ATP13A5: variants seen among roughly 807,000 people sequenced by gnomAD.
The protein encoded by ATP13A5 is ATPase 13A5.
A neutral mutation model predicts 150.2 loss-of-function variants in ATP13A5; 149 were observed. The ratio of observed to expected loss-of-function variants is 0.99; its 90% CI spans 0.87 to 1.14. The LOEUF (loss-of-function observed/expected upper bound fraction) is 1.14. ATP13A5 is among the 50% of genes most tolerant of loss of function. The pLI, the probability that ATP13A5 is intolerant of heterozygous loss-of-function variation, is 0.00. For missense variants in ATP13A5, 1,383 were observed against 1,449.3 expected (o/e 0.95, Z 0.74); for synonymous variants, 497 against 522.2 (o/e 0.95, Z 0.66).
chr3:193,357,374 T>C (rs878942144), intron 5 of ATP13A5, among the ~76,000 whole-genome samples: 2 of 152,180 alleles, frequency 1.3e-5, no homozygotes, highest in Admixed American at 1.3e-4. Flanking sequence ...TCATCCTCTT[T>C]ACGGTTCATC....
chr3:193,344,296 G>C (rs543075144), intron 8 of ATP13A5, among the ~76,000 whole-genome samples: 1 of 152,308 alleles, frequency 6.6e-6, no homozygotes, highest in African/African-American at 2.4e-5. Flanking sequence ...TACCTGGTGT[G>C]CTTTGCCCAC....
chr3:193,282,108 T>C (rs562835620), intron 27 of ATP13A5, among the ~76,000 whole-genome samples: 4 of 151,906 alleles, frequency 2.6e-5, no homozygotes, highest in African/African-American at 7.2e-5. Context: ...AGGCAGAGAA[T>C]TGCTTGATCC....
Position 193,326,047 on chromosome 3 carries a change from A to G in ATP13A5, c.1523+949T>C, listed in dbSNP as rs959674026. Reference sequence around the variant, plus strand: ...TGTTCCTTGTCACCCAGTCCAGGGTATCTTCTGCAACATCACACTGCTTGT... The same window carrying G: ...TGTTCCTTGTCACCCAGTCCAGGGTGTCTTCTGCAACATCACACTGCTTGT... On this transcript the variant is annotated intron_variant, in intron 13 of 29. Coordinates refer to ENST00000342358, the MANE Select transcript of ATP13A5 (RefSeq NM_198505.4). 3.5e-4 allele frequency among the ~76,000 whole-genome samples: 53 copies of G among 152,264 alleles called. 1 individual carries two copies. Among genetic ancestry groups the G allele is most frequent in the Non-Finnish European group, 6.9e-4 (47 of 68,012 alleles).
At position 193,363,371 on chromosome 3, in the gene ATP13A5, T is replaced by C; in HGVS notation, c.249A>G (p.Gln83=). 1 of 1,611,184 alleles carries C rather than the reference T, an allele frequency of 6.2e-7. No homozygotes were observed. The highest frequency in any genetic ancestry group is 8.5e-7 in the Non-Finnish European group (1 of 1,178,694). ...AGAATACCTTCTTCCTCATATATCT[T>C]TGAAATTCGTCCTGGAAAAGACAAT... ...TVLLRTTDEF[Q]RYMRKKVFCL... The change falls in exon 3 of 30, where the codon CAA becomes CAG. Residue 83 remains glutamine, a synonymous_variant. Coordinates refer to ENST00000342358, the MANE Select transcript of ATP13A5 (RefSeq NM_198505.4).
At position 193,304,249 on chromosome 3, in the gene ATP13A5, C is replaced by T. The variant is rs116336350; in HGVS notation, c.2678+1310G>A. On this transcript the variant is annotated intron_variant, in intron 23 of 29. Transcript: ENST00000342358. Reference sequence around the variant, plus strand: ...GGCAGACTCCAAGGAGTAGACTGTTCTTAGAAGCAAGGAAAGTGGGAGTTG... The same window carrying T: ...GGCAGACTCCAAGGAGTAGACTGTTTTTAGAAGCAAGGAAAGTGGGAGTTG... Among the ~76,000 whole-genome samples the T allele has an allele frequency of 9.6e-3, 1,465 of 152,256 alleles. 24 individuals carry two copies. Among genetic ancestry groups the T allele is most frequent in the African/African-American group, 0.034 (1,418 of 41,548 alleles).
Position 193,324,981 on chromosome 3 carries a change from C to T in ATP13A5, c.1557G>A (p.Gln519=), listed in dbSNP as rs1719419969. Residue 519 remains glutamine, a synonymous_variant, in exon 14 of 30, where the codon CAG becomes CAA. Transcript: ENST00000342358. ...CACACAGTGGGCTCCATGGCACAGC[C>T]TGGCCTGAGGCAAAGCTGTGGGCTT... ...FQEAHSFASG[Q]AVPWSPLCAA... 1 of 1,613,744 alleles carries T rather than the reference C, an allele frequency of 6.2e-7. No individual in the cohort carries two copies. Among genetic ancestry groups the T allele is most frequent in the African/African-American group, 1.3e-5 (1 of 74,906 alleles).
At chr3:193,285,174 GAA>G in intron 26 of ATP13A5, 58 bp from the exon 27 acceptor site, 12 of 1,304,780 alleles carry the variant, frequency 9.2e-6, no homozygotes, top group Non-Finnish European at 1.3e-5. Context: ...TCCATTAGGT[GAA>G]AAAAAAAATA....
chr3:193,362,052 C>G (rs1713026807), intron 5 of ATP13A5, among the ~76,000 whole-genome samples: 1 of 151,974 alleles, frequency 6.6e-6, no homozygotes, highest in South Asian at 2.1e-4. Context: ...TCTGTCTCTC[C>G]CAGGATTTGG....
In ATP13A5 at chr3:193,291,257, A is replaced by G. The variant is rs552117945; in HGVS notation, c.2849-1198T>C. 1.2e-4 allele frequency among the ~76,000 whole-genome samples: 18 copies of G among 152,196 alleles called. No individual in the cohort carries two copies. The South Asian group carries it at 3.5e-3, about 30-fold the overall frequency. ...GTCTTTACCTATACCAGATCAATCA[A>G]TGTTTTCCCGGCAGGGTGCTGGGCT... is the stretch of plus-strand genomic sequence containing the variant. On this transcript the variant is annotated intron_variant, in intron 25 of 29. Coordinates refer to ENST00000342358, the MANE Select transcript of ATP13A5 (RefSeq NM_198505.4).
At chr3:193,308,998 C>G (rs1405122018) in intron 21 of ATP13A5, among the ~76,000 whole-genome samples, 3 of 152,166 alleles carry the variant, frequency 2.0e-5, no homozygotes, top group East Asian at 1.9e-4. Context: ...GTAACAAAAT[C>G]TAACAATAAA....
chr3:193,316,559 T>A (rs1274338780), intron 17 of ATP13A5, among the ~76,000 whole-genome samples: 1 of 152,226 alleles, frequency 6.6e-6, no homozygotes, highest in African/African-American at 2.4e-5. Flanking sequence ...TGATTTGCAT[T>A]TCCCTAATGA....
intron 13 of ATP13A5, among the ~76,000 whole-genome samples, chr3:193,325,906 A>AT (rs565523618): frequency 3.6e-3 from 551 of 152,332 alleles, no homozygotes; most frequent in Non-Finnish European, 5.5e-3. Flanking sequence ...AACTGTGGAC[A>AT]TCTTTTTTCC....
chr3:193,316,444 A>T (rs1031474845), intron 17 of ATP13A5, among the ~76,000 whole-genome samples: 1 of 152,056 alleles, frequency 6.6e-6, no homozygotes, highest in Non-Finnish European at 1.5e-5. Flanking sequence ...CAGCTGTACC[A>T]TTTTACAAAG....
chr3:193,376,592 T>A (rs4687417), intron 1 of ATP13A5, among the ~76,000 whole-genome samples: 146,332 of 152,284 alleles, frequency 0.96, 70,336 homozygotes, highest in African/African-American at 0.98. Flanking sequence ...GGTTTGATAC[T>A]TAGGTAAAAG....
chr3:193,282,043 A>G (rs1054950572), intron 27 of ATP13A5, among the ~76,000 whole-genome samples: 4 of 152,060 alleles, frequency 2.6e-5, no homozygotes, highest in African/African-American at 9.6e-5. Flanking sequence ...AAAATACAAA[A>G]AAATTAGCCA....
At chr3:193,290,677 T>C (rs1444892040) in intron 25 of ATP13A5, among the ~76,000 whole-genome samples, 1 of 152,116 alleles carries the variant, frequency 6.6e-6, no homozygotes, top group Non-Finnish European at 1.5e-5. Context: ...AAATATTGCT[T>C]CTAGATGAGA....
intron 25 of ATP13A5, among the ~76,000 whole-genome samples, chr3:193,290,738 C>A (rs1465898711): frequency 6.6e-6 from 1 of 151,830 alleles, no homozygotes; most frequent in African/African-American, 2.4e-5. Context: ...AAATTTAAAG[C>A]GTTTGGAAAT....
At chr3:193,360,912 G>C (rs1395118592) in intron 5 of ATP13A5, among the ~76,000 whole-genome samples, 2 of 152,140 alleles carry the variant, frequency 1.3e-5, no homozygotes, top group Non-Finnish European at 2.9e-5. Context: ...CTTGACCTCA[G>C]GTGAACCACC....
intron 26 of ATP13A5, among the ~76,000 whole-genome samples, chr3:193,288,192 A>C (rs1245474243): frequency 6.6e-6 from 1 of 152,186 alleles, no homozygotes; most frequent in Admixed American, 6.6e-5. Flanking sequence ...ATGAAAACAA[A>C]GTATTTAGAA....
Sources: gnomAD v4.1 joint callset for allele counts (sites outside exome capture counted in the v4.1 genomes callset) on GRCh38, gnomAD v4.1.1 for gene constraint, MANE v1.5 for transcripts, NCBI Gene and HGNC (gene_info 2026-07-23, HGNC 2026-07-21) for gene names.